The following DUOX2 variants were observed in gnomAD, a reference collection of about 807,000 sequenced individuals.
DUOX2 encodes the protein NADH/NADPH thyroid oxidase p138-tox.
In DUOX2, 185 loss-of-function variants were observed where a neutral mutation model predicts 183.3. The ratio of observed to expected loss-of-function variants is 1.01; its 90% CI spans 0.90 to 1.14. The LOEUF (loss-of-function observed/expected upper bound fraction) is 1.14, where lower values mean the gene tolerates loss of function less well. DUOX2 is among the 50% of genes most tolerant of loss of function. The probability of loss-of-function intolerance (pLI) is 0.00; values close to 1 mark genes in which losing one functional copy is unlikely to be tolerated. For missense variants in DUOX2, 1,999 were observed against 2,022.9 expected (o/e 0.99, Z 0.23); for synonymous variants, 788 against 812.4 (o/e 0.97, Z 0.51).
chr15:45,111,762 C>T lies in DUOX2; in HGVS notation c.513+6G>A. 1 of 1,585,904 alleles carries T rather than the reference C, an allele frequency of 6.3e-7. No homozygotes were observed. The highest frequency in any genetic ancestry group is 8.6e-7 in the Non-Finnish European group (1 of 1,166,546). Reference sequence around the variant, plus strand: ...CGGTCCCTTCCCGCCGCCTTCCCCGCCTCACCAGGTCCCGGGGGTTGCTGG... The same window carrying T: ...CGGTCCCTTCCCGCCGCCTTCCCCGTCTCACCAGGTCCCGGGGGTTGCTGG... On this transcript the variant is annotated splice_donor_region_variant and intron_variant, in intron 5 of 33. Transcript: ENST00000389039.
chr15:45,112,279 G>A (rs1309724696), intron 4 of DUOX2, among the ~76,000 whole-genome samples: 1 of 152,322 alleles, frequency 6.6e-6, no homozygotes, highest in African/African-American at 2.4e-5. Context: ...GGAGAGCGGT[G>A]GCTGGGGAGC....
intron 13 of DUOX2, 102 bp downstream of exon 13, chr15:45,107,945 T>C (rs1375722003): frequency 7.3e-7 from 1 of 1,362,960 alleles, no homozygotes; most frequent in Non-Finnish European, 1.0e-6. Flanking sequence ...TGTGGTGGGC[T>C]GACTGGGAAT....
chr15:45,100,235 C>G lies in DUOX2; in HGVS notation c.3006-7G>C. 1 of 1,611,816 alleles carries G rather than the reference C, an allele frequency of 6.2e-7. No homozygotes were observed. The highest frequency in any genetic ancestry group is 8.5e-7 in the Non-Finnish European group (1 of 1,179,222). ...GGGAGTGGGCACTGCTGCCCTATAG[C>G]AAGGGGAGGCAGGGCAGCAGTGTGG... On this transcript the variant is annotated splice_polypyrimidine_tract_variant and splice_region_variant and intron_variant, in intron 23 of 33. Transcript: ENST00000389039.
rs898227056 is a variant in DUOX2 at position 45,111,431 on chromosome 15, G to A, written c.668C>T (p.Ala223Val). Residue 223 changes from alanine (A) to valine (V), a missense_variant, in exon 6 of 34, where the codon GCG becomes GTG. Ala to Val is a moderately conservative substitution (Grantham distance 64). Transcript: ENST00000389039. Reference sequence around the variant, plus strand: ...CTGCCCGGTGGCGGGGTCGGGCGCCGCCCACATGAGCAGGGGGTTCTGCGA... The same window carrying A: ...CTGCCCGGTGGCGGGGTCGGGCGCCACCCACATGAGCAGGGGGTTCTGCGA... The part of the protein sequence containing the change: ...RDSQNPLLMW[A>V]APDPATGQNG... 10 of 1,521,702 alleles carry A rather than the reference G, an allele frequency of 6.6e-6. No individual in the cohort carries two copies. In the African/African-American group the frequency reaches 1.1e-4, roughly 17 times the overall value. The allele number at this position is 1,521,702 out of a possible 1,614,324, so 94.3% of individuals were successfully genotyped here. A position where few individuals can be genotyped will look rare whatever the true frequency, so the allele number is the denominator to read the frequency against.
intron 3 of DUOX2, 49 bp downstream of exon 3, chr15:45,112,938 G>A: frequency 6.2e-7 from 1 of 1,600,380 alleles, no homozygotes; most frequent in Non-Finnish European, 8.6e-7. Flanking sequence ...TTCGCGCCCC[G>A]GCCCTTCGCG....
Position 45,094,148 on chromosome 15 carries a change from G to A in DUOX2, c.*2C>T, listed in dbSNP as rs999674505. 1 of 1,614,176 alleles carries A rather than the reference G, an allele frequency of 6.2e-7. No homozygotes were observed. Among genetic ancestry groups the A allele is most frequent in the Non-Finnish European group, 8.5e-7 (1 of 1,180,028 alleles). On this transcript the variant is annotated 3_prime_UTR_variant, in exon 34 of 34. Transcript: ENST00000389039. ...TGGAAGCAGCAGCCAGGGAGGACAG[G>A]CTCAGAAGTTCTCATAGTGGTGCAT...
At chr15:45,098,102 G>A (rs1402303602) in intron 26 of DUOX2, 44 bp from the exon 27 acceptor site, 1 of 1,575,866 alleles carries the variant, frequency 6.3e-7, no homozygotes, top group African/African-American at 1.3e-5. Context: ...GGGCAGGAGG[G>A]GCTCCAGCAC....
chr15:45,111,935 C>A lies in DUOX2; in HGVS notation c.346G>T (p.Val116Leu). The change falls in exon 5 of 34, where the codon GTG becomes TTG. Residue 116 changes from valine to leucine, a missense_variant. Physicochemically the swap from Val to Leu is conservative, Grantham distance 32 (BLOSUM62 1). Transcript: ENST00000389039. The part of the protein sequence containing the change: ...VFFGYHVLSD[V>L]VSVETPGCPA... Reference sequence around the variant, plus strand: ...CAACCGGGCGTTTCCACGCTCACCACGTCGGAAAGAACATGGTAGCCTGCG... The same window carrying A: ...CAACCGGGCGTTTCCACGCTCACCAAGTCGGAAAGAACATGGTAGCCTGCG... 6.2e-7 allele frequency: 1 copy of A among 1,613,710 alleles called. No individual in the cohort carries two copies. The highest frequency in any genetic ancestry group is 1.1e-5 in the South Asian group (1 of 91,082).
chr15:45,113,828 G>A (rs550569634), intron 1 of DUOX2, 145 bp downstream of exon 1: 204 of 245,604 alleles, frequency 8.3e-4, no homozygotes, highest in African/African-American at 4.4e-3. Context: ...AGGCAGGGAA[G>A]GGAAAAAGGT....
In DUOX2 at chr15:45,101,202, C is replaced by A. The variant is rs1472211069; in HGVS notation, c.2921+3G>T. ...AACCTGCCAGAGCCCCATTCCTGCT[C>A]ACCGCTCCCCAGGTGTCCGAGTGAT... On this transcript the variant is annotated splice_donor_region_variant and intron_variant, in intron 22 of 33. Transcript: ENST00000389039. The A allele has an allele frequency of 4.3e-6, 7 of 1,613,268 alleles. No homozygotes were observed. Among genetic ancestry groups the A allele is most frequent in the Non-Finnish European group, 5.9e-6 (7 of 1,179,738 alleles).
At chr15:45,103,754 A>G (rs1253371299) in intron 20 of DUOX2, among the ~76,000 whole-genome samples, 1 of 151,838 alleles carries the variant, frequency 6.6e-6, no homozygotes, top group East Asian at 1.9e-4. Context: ...TGGTGTTGAC[A>G]GTCCAGACAG....
Position 45,106,905 on chromosome 15 carries a change from A to C in DUOX2, c.1758T>G (p.Thr586=). The C allele has an allele frequency of 6.3e-7, 1 of 1,583,838 alleles. No homozygotes were observed. The highest frequency in any genetic ancestry group is 8.6e-7 in the Non-Finnish European group (1 of 1,165,636). Reference sequence around the variant, plus strand: ...TGCTGCCTTCAAAGAAGTCAAGCACAGTCAGGGGTGCACACTGGGGCAGGC... The same window carrying C: ...TGCTGCCTTCAAAGAAGTCAAGCACCGTCAGGGGTGCACACTGGGGCAGGC... ...TDGLPQCAPL[T]VLDFFEGSSP... Residue 586 remains threonine, a synonymous_variant, in exon 15 of 34, where the codon ACT becomes ACG. Transcript: ENST00000389039.
chr15:45,095,259 G>A (rs1167884430), intron 31 of DUOX2, among the ~76,000 whole-genome samples, 168 bp from the exon 32 acceptor site: 1 of 152,180 alleles, frequency 6.6e-6, no homozygotes, highest in East Asian at 1.9e-4. Context: ...CCCAGCAGAG[G>A]CCCTTCTGGC....
rs759190559 is a variant in DUOX2 at position 45,105,725 on chromosome 15, T to G, written c.2252A>C (p.Glu751Ala). 3 of 1,614,204 alleles carry G rather than the reference T, an allele frequency of 1.9e-6. No individual in the cohort carries two copies. The highest frequency in any genetic ancestry group is 2.5e-6 in the Non-Finnish European group (3 of 1,180,042). ...CACAGCCTTCCTAAATAGCTCCTTCTCGCTCATCTCAGCCACATGGAGGCC... is the reference window on the plus strand; with the variant it reads ...CACAGCCTTCCTAAATAGCTCCTTCGCGCTCATCTCAGCCACATGGAGGCC... The part of the protein sequence containing the change: ...ALGLHVAEMS[E>A]KELFRKAVTK... The change falls in exon 18 of 34, where the codon GAG becomes GCG. Residue 751 changes from glutamate to alanine, a missense_variant. Physicochemically the swap from Glu to Ala is moderately radical, Grantham distance 107. Transcript: ENST00000389039.
Position 45,112,573 on chromosome 15 carries a change from G to C in DUOX2, c.306C>G (p.Thr102=), listed in dbSNP as rs770729810. Reference sequence around the variant, plus strand: ...CCTCACCAAAGAAGACCCCCAGTACGGTGCGGTTGTGGAGCGACGGCAGGC... The same window carrying C: ...CCTCACCAAAGAAGACCCCCAGTACCGTGCGGTTGTGGAGCGACGGCAGGC... ...IAGLPSLHNR[T]VLGVFFGYHV... The change falls in exon 4 of 34, where the codon ACC becomes ACG. Residue 102 remains threonine, a synonymous_variant. Coordinates refer to ENST00000389039, the MANE Select transcript of DUOX2 (RefSeq NM_001363711.2). The C allele has an allele frequency of 6.2e-7, 1 of 1,613,090 alleles. No individual in the cohort carries two copies. Among genetic ancestry groups the C allele is most frequent in the Non-Finnish European group, 8.5e-7 (1 of 1,179,756 alleles).
intron 3 of DUOX2, 96 bp downstream of exon 3, chr15:45,112,891 G>T: frequency 6.4e-7 from 1 of 1,550,908 alleles, no homozygotes; most frequent in Non-Finnish European, 8.9e-7. Context: ...CGGAGCTGCT[G>T]GGCGCGTGTT....
At position 45,104,136 on chromosome 15, in the gene DUOX2, C is replaced by T. The variant is rs767546312; in HGVS notation, c.2560+4G>A. 13 of 1,614,024 alleles carry T rather than the reference C, an allele frequency of 8.1e-6. No individual in the cohort carries two copies. The East Asian group carries it at 2.7e-4, about 33-fold the overall frequency. ...GGATAGCCTGCCACCTCCCAGCCCC[C>T]TACCTTTCATGAAGACCACCAGGAT... is the stretch of plus-strand genomic sequence containing the variant. On this transcript the variant is annotated splice_donor_region_variant and intron_variant, in intron 19 of 33. Coordinates refer to ENST00000389039, the MANE Select transcript of DUOX2 (RefSeq NM_001363711.2).
rs1052045693 is a variant in DUOX2, at chr15:45,109,763, T to C, written c.1131+127A>G. On this transcript the variant is annotated intron_variant, in intron 10 of 33. Transcript: ENST00000389039. ...CTTGAACTGTTGTCCCCGGATAATTTCCTCTACCCTTCATCTCCCATGAAC... is the reference window on the plus strand; with the variant it reads ...CTTGAACTGTTGTCCCCGGATAATTCCCTCTACCCTTCATCTCCCATGAAC... 7 of 1,304,312 alleles carry C rather than the reference T, an allele frequency of 5.4e-6. No homozygotes were observed. The East Asian group carries it at 6.9e-5, about 13-fold the overall frequency. 80.8% of individuals were successfully genotyped at this position (1,304,312 alleles called of 1,614,324 possible).
chr15:45,105,830 T>C lies in DUOX2; in HGVS notation c.2149-2A>G. On this transcript the variant is annotated splice_acceptor_variant, in intron 17 of 33. Coordinates refer to ENST00000389039, the MANE Select transcript of DUOX2 (RefSeq NM_001363711.2). LOFTEE classifies it high-confidence loss of function. ...CTCTTCAGAACTAAACAGCAGCACC[T>C]GGGTGGGAGGAAGGCGGCACTGACG... 1 of 1,613,982 alleles carries C rather than the reference T, an allele frequency of 6.2e-7. No individual in the cohort carries two copies. Among genetic ancestry groups the C allele is most frequent in the Non-Finnish European group, 8.5e-7 (1 of 1,179,984 alleles).
Sources: allele counts gnomAD v4.1 joint callset (sites outside exome capture counted in the v4.1 genomes callset), GRCh38; gene constraint gnomAD v4.1.1; transcripts MANE v1.5; gene names NCBI Gene and HGNC (gene_info 2026-07-23, HGNC 2026-07-21).